The following ZNF318 variants were observed in gnomAD, a reference collection of about 807,000 sequenced individuals.
ZNF318 encodes the protein endocrine regulator.
A neutral mutation model predicts 124.2 loss-of-function variants in ZNF318; 51 were observed. The ratio of observed to expected loss-of-function variants is 0.41; its 90% CI spans 0.33 to 0.52. The LOEUF is 0.52. Among genes scored for constraint, ZNF318 ranks in the 20% least tolerant of loss-of-function variants. The pLI, the probability that ZNF318 is intolerant of heterozygous loss-of-function variation, is 0.23. For missense variants in ZNF318, 2,815 were observed against 2,811.2 expected (o/e 1.00, Z -0.03); for synonymous variants, 1,090 against 1,040.7 (o/e 1.05, Z -0.91).
intron 2 of ZNF318, among the ~76,000 whole-genome samples, chr6:43,362,785 T>G (rs1581651420): frequency 6.6e-6 from 1 of 152,114 alleles, no homozygotes; most frequent in Admixed American, 6.5e-5. Context: ...ATTACAGGTA[T>G]GAGCCACTGC....
chr6:43,362,705 T>C (rs778762955), intron 2 of ZNF318, among the ~76,000 whole-genome samples: 5 of 151,934 alleles, frequency 3.3e-5, no homozygotes, highest in African/African-American at 7.2e-5. Flanking sequence ...GATCTCATCA[T>C]GTTGGCCAGG....
At chr6:43,352,317 C>A (rs75782786) in intron 5 of ZNF318, 60 bp downstream of exon 5, 105,436 of 1,198,144 alleles carry the variant, frequency 0.088, 4,355 homozygotes, top group Admixed American at 0.12. Flanking sequence ...GTGAGAGTAC[C>A]AAATTTGGGT....
chr6:43,338,573 AATC>A lies in ZNF318; in HGVS notation c.5422_5424del (p.Asp1808del), dbSNP rs1351618207. On this transcript the variant is annotated inframe_deletion, in exon 10 of 10. Transcript: ENST00000361428. ...TATCTGTTTCCATGGTTCAAATTAG[AATC>A]ATCTATGCTGTGGGGTCCAATGCTG... 5 of 1,614,114 alleles carry A rather than the reference AATC, an allele frequency of 3.1e-6. No homozygotes were observed. In the South Asian group the frequency reaches 5.5e-5, roughly 18 times the overall value.
chr6:43,361,314 T>C (rs187265965), intron 2 of ZNF318, among the ~76,000 whole-genome samples: 1 of 152,300 alleles, frequency 6.6e-6, no homozygotes, highest in Admixed American at 6.5e-5. Flanking sequence ...CCTGTAATCT[T>C]AGCACTTGGA....
chr6:43,338,350 G>C lies in ZNF318; in HGVS notation c.5648C>G (p.Thr1883Arg), dbSNP rs772707453. The change falls in exon 10 of 10, where the codon ACA (threonine) becomes AGA (arginine). Residue 1883 changes from threonine to arginine, a missense_variant. Thr to Arg is a moderately conservative substitution (Grantham distance 71). Transcript: ENST00000361428. ...EARSLLNPQD[T>R]PVKISAPELL... ...CTCTGGGGCAGAAATTTTCACAGGT[G>C]TATCTTGTGGGTTGAGTAAAGACCT... is the stretch of plus-strand genomic sequence containing the variant. The C allele has an allele frequency of 5.6e-6, 9 of 1,614,048 alleles. No homozygotes were observed. In the South Asian group the frequency reaches 7.7e-5, roughly 14 times the overall value.
rs1779366827 is a variant in ZNF318, at chr6:43,340,919, T to C, written c.3377-11A>G. 9 of 1,592,654 alleles carry C rather than the reference T, an allele frequency of 5.7e-6. No individual in the cohort carries two copies. The highest frequency in any genetic ancestry group is 7.8e-6 in the Non-Finnish European group (9 of 1,160,754). On this transcript the variant is annotated splice_polypyrimidine_tract_variant and intron_variant, in intron 8 of 9. Transcript: ENST00000361428. Reference sequence around the variant, plus strand: ...CCAGAAACTCAGAGCCTGGAAGAAGTAGAAAAAAGTCAAGGAAATAAGTCG... The same window carrying C: ...CCAGAAACTCAGAGCCTGGAAGAAGCAGAAAAAAGTCAAGGAAATAAGTCG...
chr6:43,342,947 G>GT, intron 6 of ZNF318, 68 bp from the exon 7 acceptor site: 2 of 1,323,582 alleles, frequency 1.5e-6, no homozygotes, highest in African/African-American at 2.9e-5. Context: ...GTTAGAAATA[G>GT]TAAGTGGCCA....
chr6:43,366,927 C>T (rs1342718153), intron 1 of ZNF318, among the ~76,000 whole-genome samples: 2 of 152,142 alleles, frequency 1.3e-5, no homozygotes, highest in African/African-American at 2.4e-5. Flanking sequence ...TCTCGGCTCA[C>T]TGCAAGCTCC....
chr6:43,343,827 CAAAAAAAAAAA>C (rs10560070), intron 6 of ZNF318, among the ~76,000 whole-genome samples: 11 of 101,932 alleles, frequency 1.1e-4, no homozygotes, highest in African/African-American at 2.3e-4. Flanking sequence ...GACCCTGTCT[CAAAAAAAAAAA>C]AAAAAAAAAA....
At chr6:43,351,663 A>G (rs1779525732) in intron 5 of ZNF318, among the ~76,000 whole-genome samples, 1 of 151,978 alleles carries the variant, frequency 6.6e-6, no homozygotes, top group Non-Finnish European at 1.5e-5. Flanking sequence ...TGGGAGGCTG[A>G]GGCTTGAGAA....
At chr6:43,353,637 G>A (rs948103849) in intron 4 of ZNF318, among the ~76,000 whole-genome samples, 2 of 152,140 alleles carry the variant, frequency 1.3e-5, no homozygotes, top group African/African-American at 4.8e-5. Context: ...GCCTCCCAAA[G>A]TGCTGGGATT....
chr6:43,365,488 C>T (rs756156631), intron 1 of ZNF318, 48 bp from the exon 2 acceptor site: 2 of 1,574,496 alleles, frequency 1.3e-6, no homozygotes, highest in East Asian at 2.3e-5. Context: ...TCAAGACATC[C>T]CTACATCCAA....
At chr6:43,368,110 G>T (rs543562062) in intron 1 of ZNF318, among the ~76,000 whole-genome samples, 230 of 152,304 alleles carry the variant, frequency 1.5e-3, no homozygotes, top group African/African-American at 5.4e-3. Flanking sequence ...ATCTCTTGGG[G>T]TGGTGGTTAT....
chr6:43,348,806 G>A (rs1353519101), intron 5 of ZNF318, among the ~76,000 whole-genome samples, 181 bp from the exon 6 acceptor site: 2 of 152,190 alleles, frequency 1.3e-5, no homozygotes, highest in African/African-American at 4.8e-5. Flanking sequence ...GACCAAGGCG[G>A]GTGACTACTT....
At chr6:43,351,838 G>T (rs1022713818) in intron 5 of ZNF318, among the ~76,000 whole-genome samples, 4 of 151,890 alleles carry the variant, frequency 2.6e-5, no homozygotes, top group African/African-American at 9.7e-5. Context: ...TAGAGCAAGC[G>T]TATTAAAATG....
chr6:43,365,007 T>C (rs1038433586), intron 2 of ZNF318, among the ~76,000 whole-genome samples: 4 of 152,252 alleles, frequency 2.6e-5, no homozygotes, highest in African/African-American at 9.6e-5. Context: ...TGTTCTTCAT[T>C]TGGGGGACTC....
intron 6 of ZNF318, among the ~76,000 whole-genome samples, chr6:43,344,942 G>T (rs1779417640): frequency 6.6e-6 from 1 of 152,020 alleles, no homozygotes; most frequent in South Asian, 2.1e-4. Context: ...TATACACCAA[G>T]GTATTAATAA....
At chr6:43,368,931 G>A in intron 1 of ZNF318, 36 bp downstream of exon 1, 7 of 1,342,786 alleles carry the variant, frequency 5.2e-6, no homozygotes, top group Non-Finnish European at 6.7e-6. Flanking sequence ...AGGGGACTGG[G>A]GGATGGAGGG....
At position 43,338,147 on chromosome 6, in the gene ZNF318, T is replaced by C. The variant is rs765762887; in HGVS notation, c.5851A>G (p.Lys1951Glu). Residue 1951 changes from lysine to glutamate, a missense_variant, in exon 10 of 10, where the codon AAA becomes GAA. By Grantham distance (56) the Lys-to-Glu change is moderately conservative. Around this residue, in one of 4 missense-constraint regions of ZNF318, gnomAD observed 927 missense variants for 820.6 expected, o/e 1.13. Coordinates refer to ENST00000361428, the MANE Select transcript of ZNF318 (RefSeq NM_014345.3). ...KRERSKDFQV[K>E]KIYELAVWDE... ...CAAACAGCCAACTCATAGATCTTTT[T>C]AACTTGAAAGTCTTTTGATCTTTCT... 43 of 1,613,824 alleles carry C rather than the reference T, an allele frequency of 2.7e-5. No individual in the cohort carries two copies. Among genetic ancestry groups the C allele is most frequent in the Non-Finnish European group, 3.6e-5 (43 of 1,179,994 alleles).
Sources: gnomAD v4.1 joint callset for allele counts (sites outside exome capture counted in the v4.1 genomes callset) on GRCh38, gnomAD v4.1.1 for gene constraint, gnomAD v4.1.1 regional missense constraint, MANE v1.5 for transcripts, NCBI Gene and HGNC (gene_info 2026-07-23, HGNC 2026-07-21) for gene names.